MBNL3: variants seen among roughly 807,000 people sequenced by gnomAD.
MBNL3 encodes the protein muscleblind like splicing regulator 3.
A neutral mutation model predicts 24.5 loss-of-function variants in MBNL3; 6 were observed. The observed-to-expected ratio is 0.25, with a 90% CI of 0.13 to 0.48. MBNL3 has a LOEUF of 0.48. Ranked by LOEUF, MBNL3 falls within the 20% of genes least tolerant of loss-of-function variation. The pLI is 0.99. For synonymous variants in MBNL3, 100 were observed against 101.7 expected (o/e 0.98, Z 0.10); for missense variants, 230 against 293.5 (o/e 0.78, Z 1.58).
intron 1 of MBNL3, among the ~76,000 whole-genome samples, chrX:132,480,452 C>T (rs769282886): frequency 2.7e-5 from 3 of 112,033 alleles, no homozygotes; most frequent in Non-Finnish European, 3.8e-5. Context: ...ATCTGGCAGA[C>T]GTTAATGGCA....
chrX:132,420,329 C>T (rs1943682482), intron 2 of MBNL3, among the ~76,000 whole-genome samples: 1 of 111,543 alleles, frequency 9.0e-6, no homozygotes, highest in Non-Finnish European at 1.9e-5. Flanking sequence ...GGGTGGAAGT[C>T]AGCGGCGGGT....
intron 3 of MBNL3, among the ~76,000 whole-genome samples, chrX:132,396,536 A>C (rs1172857163): frequency 0.013 from 776 of 59,180 alleles, 114 homozygotes; most frequent in African/African-American, 0.06. Flanking sequence ...ATATATTCAT[A>C]TATATATTCC....
intron 1 of MBNL3, among the ~76,000 whole-genome samples, chrX:132,475,915 G>A (rs1947416740): frequency 1.8e-5 from 2 of 111,452 alleles, no homozygotes; most frequent in African/African-American, 3.3e-5. Flanking sequence ...TTCACACCAA[G>A]CCAATCAGAA....
At chrX:132,484,173 G>T (rs1947885096) in intron 1 of MBNL3, among the ~76,000 whole-genome samples, 1 of 111,686 alleles carries the variant, frequency 9.0e-6, no homozygotes, top group Non-Finnish European at 1.9e-5. Flanking sequence ...GGCACTGCTT[G>T]CATCTCCCTG....
At chrX:132,449,082 C>T (rs143840964) in intron 1 of MBNL3, among the ~76,000 whole-genome samples, 6 of 111,512 alleles carry the variant, frequency 5.4e-5, no homozygotes, top group African/African-American at 9.8e-5. Flanking sequence ...AGAATAAGTG[C>T]GATGTGTTTC....
chrX:132,446,105 T>C (rs778239723), intron 1 of MBNL3, among the ~76,000 whole-genome samples: 6 of 112,049 alleles, frequency 5.4e-5, no homozygotes, highest in Non-Finnish European at 9.4e-5. Flanking sequence ...TTCATCCATG[T>C]CCCTGCAAAG....
chrX:132,461,330 A>G (rs1289254828), intron 1 of MBNL3, among the ~76,000 whole-genome samples: 1 of 111,001 alleles, frequency 9.0e-6, no homozygotes, highest in Non-Finnish European at 1.9e-5. Context: ...TGGGTGGTAC[A>G]CTCCTCTTCA....
chrX:132,391,058 T>A lies in MBNL3; in HGVS notation c.560A>T (p.Asn187Ile). The A allele has an allele frequency of 8.3e-7, 1 of 1,210,861 alleles. No individual in the cohort carries two copies. ...LEVCREFQRG[N>I]CTRGENDCRY... is the part of the protein sequence containing the mutation. ...GCAATCATTCTCCCCACGGGTACAA[T>A]TTCCACGCTGAAATTCTCGGCAAAC... is the stretch of plus-strand genomic sequence containing the variant. Residue 187 changes from asparagine (N) to isoleucine (I), a missense_variant, in exon 5 of 9, where the codon AAT (asparagine) becomes ATT (isoleucine). Asn to Ile is a moderately radical substitution (Grantham distance 149). Coordinates refer to ENST00000370853, the MANE Select transcript of MBNL3 (RefSeq NM_001386889.1).
At chrX:132,411,377 T>C (rs1366630565) in intron 2 of MBNL3, 56 of 751,485 alleles carry the variant, frequency 7.5e-5, no homozygotes, top group Non-Finnish European at 8.8e-5. Context: ...ACAAAGGGAG[T>C]ACTGGGCTCA....
At chrX:132,473,461 A>C (rs760079059) in intron 1 of MBNL3, among the ~76,000 whole-genome samples, 12 of 112,157 alleles carry the variant, frequency 1.1e-4, no homozygotes, top group African/African-American at 3.9e-4. Flanking sequence ...GATTTTGTGC[A>C]ATCTGTTCTC....
intron 5 of MBNL3, 122 bp downstream of exon 5, chrX:132,390,725 G>A (rs1328344937): frequency 4.1e-5 from 21 of 510,972 alleles, no homozygotes; most frequent in Non-Finnish European, 6.9e-5. Flanking sequence ...TTATAACCTT[G>A]ACTGTTCATA....
intron 1 of MBNL3, among the ~76,000 whole-genome samples, chrX:132,483,928 T>TC (rs750471506): frequency 1.2e-4 from 14 of 112,592 alleles, no homozygotes; most frequent in African/African-American, 4.5e-4. Context: ...GTCTGTAACT[T>TC]CATCACTTCC....
chrX:132,456,758 C>T (rs1946394500), intron 1 of MBNL3, among the ~76,000 whole-genome samples: 1 of 111,634 alleles, frequency 9.0e-6, no homozygotes, highest in African/African-American at 3.3e-5. Context: ...TCCCCCACCC[C>T]AGATTCCTGA....
At chrX:132,458,235 A>G (rs950106734) in intron 1 of MBNL3, among the ~76,000 whole-genome samples, 1 of 110,658 alleles carries the variant, frequency 9.0e-6, no homozygotes, top group Non-Finnish European at 1.9e-5. Flanking sequence ...CAAAATTTCA[A>G]ACAAATTTCA....
intron 2 of MBNL3, among the ~76,000 whole-genome samples, chrX:132,436,145 C>A (rs1051149629): frequency 8.0e-5 from 9 of 111,921 alleles, no homozygotes; most frequent in African/African-American, 2.9e-4. Flanking sequence ...TTGAAGAAAA[C>A]TTTGGAGACA....
chrX:132,418,776 T>A (rs146695567), intron 2 of MBNL3, among the ~76,000 whole-genome samples: 47 of 112,129 alleles, frequency 4.2e-4, no homozygotes, highest in Non-Finnish European at 7.5e-4. Context: ...TTTGTTTGGT[T>A]TTGTTTTGTT....
chrX:132,471,187 C>T (rs755942471), intron 1 of MBNL3, among the ~76,000 whole-genome samples: 1 of 111,569 alleles, frequency 9.0e-6, no homozygotes, highest in African/African-American at 3.3e-5. Context: ...ATCACTTCTT[C>T]CCGCCACTTC....
At chrX:132,405,705 T>A (rs1177580103) in intron 3 of MBNL3, among the ~76,000 whole-genome samples, 3 of 109,381 alleles carry the variant, frequency 2.7e-5, no homozygotes, top group Non-Finnish European at 5.7e-5. Context: ...AAACTCCATG[T>A]CTACTAAAAA....
At chrX:132,418,757 T>TTTTG (rs769638256) in intron 2 of MBNL3, among the ~76,000 whole-genome samples, 1 of 112,061 alleles carries the variant, frequency 8.9e-6, no homozygotes, top group Admixed American at 9.4e-5. Context: ...ATGTGTTTGT[T>TTTTG]TTTGTTTGTT....
Sources: gnomAD v4.1 joint callset for allele counts (sites outside exome capture counted in the v4.1 genomes callset) on GRCh38, gnomAD v4.1.1 for gene constraint, MANE v1.5 for transcripts, NCBI Gene and HGNC (gene_info 2026-07-23, HGNC 2026-07-21) for gene names.